PBRM1: variants seen among roughly 807,000 people sequenced by gnomAD.
PBRM1 encodes the protein protein polybromo-1.
Under a neutral mutation model 194.5 loss-of-function variants are expected in PBRM1, and 27 were observed. The observed-to-expected ratio is 0.14, with a 90% CI of 0.10 to 0.19. The LOEUF (loss-of-function observed/expected upper bound fraction) is 0.19. Ranked by LOEUF, PBRM1 falls within the 10% of genes least tolerant of loss-of-function variation. PBRM1 has a pLI of 1.00. For synonymous variants in PBRM1, 655 were observed against 693.2 expected (o/e 0.94, Z 0.87); for missense variants, 1,466 against 2,077.2 (o/e 0.71, Z 5.72).
chr3:52,581,398 A>ACT lies in PBRM1; in HGVS notation c.3388-2200_3388-2199insAG, dbSNP rs1180235797. Among the ~76,000 whole-genome samples the ACT allele has an allele frequency of 6.6e-5, 10 of 151,988 alleles. No homozygotes were observed. In the East Asian group the frequency reaches 1.9e-3, roughly 30 times the overall value. On this transcript the variant is annotated intron_variant, in intron 20 of 29. Coordinates refer to ENST00000296302, the Ensembl canonical transcript of PBRM1. ...GATGGTGCGCGCCTGTAGTCCCAGG[A>ACT]ACTTGGGAAACTGAGACACAAGAAT...
At chr3:52,638,516 G>A (rs998770933) in intron 10 of PBRM1, among the ~76,000 whole-genome samples, 1 of 151,774 alleles carries the variant, frequency 6.6e-6, no homozygotes, top group Admixed American at 6.6e-5. Context: ...GCACCACCAT[G>A]CCTGGCTAAT....
chr3:52,600,865 C>T (rs374487400), intron 17 of PBRM1, among the ~76,000 whole-genome samples: 128 of 152,300 alleles, frequency 8.4e-4, no homozygotes, highest in African/African-American at 2.9e-3. Flanking sequence ...TCTTGAACTC[C>T]TGACCTCATG....
exon 26 of PBRM1, chr3:52,558,322 C>G (rs905878909): frequency 1.3e-6 from 2 of 1,549,826 alleles, no homozygotes; most frequent in Non-Finnish European, 1.7e-6. Flanking sequence ...TGAGAGCCCC[C>G]ACAGGGGTGC....
exon 24 of PBRM1, chr3:52,563,300 G>A: frequency 1.2e-6 from 2 of 1,613,760 alleles, no homozygotes; most frequent in Non-Finnish European, 1.7e-6. Context: ...GGTGTGTAGG[G>A]CATGAGGTCC....
At chr3:52,575,672 ATTTTTT>A (rs35495289) in intron 22 of PBRM1, among the ~76,000 whole-genome samples, 2 of 122,558 alleles carry the variant, frequency 1.6e-5, no homozygotes, top group African/African-American at 6.4e-5. Flanking sequence ...TGCCCAAATA[ATTTTTT>A]TTTTTTTTTT....
chr3:52,559,675 T>C (rs1220971301), intron 25 of PBRM1, among the ~76,000 whole-genome samples: 1 of 152,052 alleles, frequency 6.6e-6, no homozygotes, highest in African/African-American at 2.4e-5. Context: ...AAGCTACAGC[T>C]CCAGTCCTCC....
intron 22 of PBRM1, among the ~76,000 whole-genome samples, chr3:52,565,590 T>C (rs1272582963): frequency 2.0e-5 from 3 of 151,552 alleles, no homozygotes; most frequent in Non-Finnish European, 2.9e-5. Flanking sequence ...AGATAAGCCA[T>C]AGAAGAAAAT....
intron 11 of PBRM1, among the ~76,000 whole-genome samples, chr3:52,633,726 CA>C (rs1312111272): frequency 3.9e-5 from 6 of 152,150 alleles, no homozygotes; most frequent in Non-Finnish European, 7.3e-5. Flanking sequence ...TGGTATCACA[CA>C]AAAGTTCTGA....
At chr3:52,685,855 G>A (rs1463234884), upstream of PBRM1, 2 of 501,644 alleles carry the variant, frequency 4.0e-6, no homozygotes, top group East Asian at 3.7e-5. Flanking sequence ...GGCCGCTGCC[G>A]TCGCTTCGGC....
intron 25 of PBRM1, among the ~76,000 whole-genome samples, chr3:52,560,910 T>G (rs370482456): frequency 6.6e-6 from 1 of 151,928 alleles, no homozygotes; most frequent in African/African-American, 2.4e-5. Flanking sequence ...CAGAAAATAA[T>G]AGAACTGTAC....
chr3:52,595,929 T>C (rs935282822), intron 17 of PBRM1, among the ~76,000 whole-genome samples: 1 of 152,216 alleles, frequency 6.6e-6, no homozygotes, highest in Non-Finnish European at 1.5e-5. Flanking sequence ...CTTGGCACTG[T>C]TGTCAAAAAT....
intron 20 of PBRM1, among the ~76,000 whole-genome samples, chr3:52,581,618 G>A (rs964117311): frequency 2.0e-5 from 3 of 151,552 alleles, no homozygotes; most frequent in Admixed American, 6.6e-5. Context: ...TTTCCTTTAA[G>A]GAATGGGTTC....
chr3:52,560,822 C>G (rs1182029190), intron 25 of PBRM1: 1 of 146,354 alleles, frequency 6.8e-6, no homozygotes, highest in Non-Finnish European at 1.5e-5. Context: ...AATAAATGAC[C>G]TTTTTTTTTT....
intron 14 of PBRM1, among the ~76,000 whole-genome samples, chr3:52,616,797 T>C (rs2094980874): frequency 6.6e-6 from 1 of 152,232 alleles, no homozygotes; most frequent in Admixed American, 6.5e-5. Flanking sequence ...ACATTTTCTA[T>C]ATAGGCTGTC....
chr3:52,551,051 C>G (rs774063022), intron 27 of PBRM1, among the ~76,000 whole-genome samples: 1 of 152,176 alleles, frequency 6.6e-6, no homozygotes, highest in Non-Finnish European at 1.5e-5. Context: ...TCAATTATGG[C>G]TTAGAAATGA....
chr3:52,622,572 C>G (rs2095317131), intron 13 of PBRM1, among the ~76,000 whole-genome samples: 1 of 152,146 alleles, frequency 6.6e-6, no homozygotes, highest in Non-Finnish European at 1.5e-5. Flanking sequence ...CTAGCAGAGG[C>G]TCTATTCTGA....
intron 21 of PBRM1, among the ~76,000 whole-genome samples, chr3:52,578,100 C>T (rs1031742438): frequency 6.6e-6 from 1 of 152,174 alleles, no homozygotes; most frequent in African/African-American, 2.4e-5. Context: ...TGGATATTCA[C>T]ATTATTCACT....
chr3:52,643,088 T>C (rs1281647962), intron 9 of PBRM1, among the ~76,000 whole-genome samples, 160 bp downstream of exon 10: 2 of 152,124 alleles, frequency 1.3e-5, no homozygotes, highest in African/African-American at 4.8e-5. Context: ...GTGCCCACCC[T>C]AGTAACTCAA....
chr3:52,559,095 A>G (rs1485749536), intron 25 of PBRM1, among the ~76,000 whole-genome samples: 2 of 152,234 alleles, frequency 1.3e-5, no homozygotes, highest in African/African-American at 4.8e-5. Flanking sequence ...GCAGAGAATT[A>G]AATAAACACG....
Sources: allele counts gnomAD v4.1 joint callset (sites outside exome capture counted in the v4.1 genomes callset), GRCh38; gene constraint gnomAD v4.1.1; transcripts MANE v1.5; gene names NCBI Gene and HGNC (gene_info 2026-07-23, HGNC 2026-07-21).